Variants in NRCAM observed in about 807,000 individuals in gnomAD.
NRCAM encodes neuronal cell adhesion molecule.
NRCAM carries 83 observed loss-of-function variants against 156.5 expected under a neutral mutation model. The ratio of observed to expected loss-of-function variants is 0.53; its 90% CI spans 0.44 to 0.64. NRCAM has a LOEUF of 0.64. NRCAM is among the 30% of genes least tolerant of loss of function. The pLI, the probability that NRCAM is intolerant of heterozygous loss-of-function variation, is 0.00. For synonymous variants in NRCAM, 538 were observed against 563.9 expected (o/e 0.95, Z 0.65); for missense variants, 1,417 against 1,597.3 (o/e 0.89, Z 1.92).
chr7:108,320,792 T>G (rs2098992632), intron 2 of NRCAM, among the ~76,000 whole-genome samples: 1 of 152,242 alleles, frequency 6.6e-6, no homozygotes, highest in Non-Finnish European at 1.5e-5. Context: ...TAATATATAC[T>G]GTTGAATGGG....
chr7:108,204,286 G>A (rs1001016632), intron 13 of NRCAM, among the ~76,000 whole-genome samples: 1 of 152,192 alleles, frequency 6.6e-6, no homozygotes, highest in South Asian at 2.1e-4. Flanking sequence ...AACACACAGT[G>A]GGGGCATGCA....
chr7:108,245,834 C>A (rs7809003), intron 3 of NRCAM, among the ~76,000 whole-genome samples: 34,962 of 152,198 alleles, frequency 0.23, 4,295 homozygotes, highest in Non-Finnish European at 0.27. Flanking sequence ...ACATGATCAT[C>A]TGAATACAGG....
intron 13 of NRCAM, among the ~76,000 whole-genome samples, chr7:108,204,208 G>A (rs905794211): frequency 6.6e-5 from 10 of 152,168 alleles, no homozygotes; most frequent in African/African-American, 7.2e-5. Context: ...CTCCTTAAAT[G>A]TCTATTAATG....
intron 2 of NRCAM, among the ~76,000 whole-genome samples, chr7:108,388,472 T>C (rs1298673344): frequency 1.3e-5 from 2 of 152,222 alleles, no homozygotes; most frequent in Non-Finnish European, 2.9e-5. Flanking sequence ...CTTTGTCAGA[T>C]GGGTAGATTG....
chr7:108,349,932 T>TA lies in NRCAM; in HGVS notation c.-173-37202dup, dbSNP rs772159317. Among the ~76,000 whole-genome samples, 170 of 152,230 alleles carry TA rather than the reference T, an allele frequency of 1.1e-3. 1 individual carries two copies. Among genetic ancestry groups the TA allele is most frequent in the Admixed American group, 4.2e-3 (64 of 15,284 alleles). On this transcript the variant is annotated intron_variant, in intron 2 of 32. Transcript: ENST00000379028. ...TGAATTCCTTGTCATGGCTAAGTTCTACATGACTGGGTTCTTTTCTATGTG... is the reference window on the plus strand; with the variant it reads ...TGAATTCCTTGTCATGGCTAAGTTCTAACATGACTGGGTTCTTTTCTATGTG...
chr7:108,320,063 A>G (rs980564680), intron 2 of NRCAM, among the ~76,000 whole-genome samples: 1 of 152,226 alleles, frequency 6.6e-6, no homozygotes, highest in Non-Finnish European at 1.5e-5. Context: ...TTATAAAAAA[A>G]CACTTTTGAT....
At chr7:108,171,694 T>C (rs1358521732) in intron 28 of NRCAM, among the ~76,000 whole-genome samples, 1 of 152,154 alleles carries the variant, frequency 6.6e-6, no homozygotes, top group African/African-American at 2.4e-5. Context: ...TTAGCGTCAA[T>C]TTATTACTCT....
chr7:108,255,440 T>C (rs1176744981), intron 3 of NRCAM, among the ~76,000 whole-genome samples: 2 of 152,194 alleles, frequency 1.3e-5, no homozygotes, highest in African/African-American at 4.8e-5. Flanking sequence ...GGTGCCGGGA[T>C]TGCAGACGGA....
chr7:108,199,898 T>A (rs1250037128), intron 13 of NRCAM, among the ~76,000 whole-genome samples: 1 of 152,078 alleles, frequency 6.6e-6, no homozygotes, highest in African/African-American at 2.4e-5. Context: ...ATCACATTTA[T>A]AGCCTAAAAG....
intron 1 of NRCAM, among the ~76,000 whole-genome samples, chr7:108,415,265 G>C (rs1349783006): frequency 6.6e-6 from 1 of 152,102 alleles, no homozygotes; most frequent in African/African-American, 2.4e-5. Context: ...AGCCTGCGGT[G>C]GGACCTTGAG....
intron 2 of NRCAM, among the ~76,000 whole-genome samples, chr7:108,358,986 C>T (rs2099528990): frequency 6.6e-6 from 1 of 152,180 alleles, no homozygotes; most frequent in Non-Finnish European, 1.5e-5. Flanking sequence ...AAGCTCAGGA[C>T]CTGGCTGACA....
intron 2 of NRCAM, among the ~76,000 whole-genome samples, chr7:108,325,716 G>T (rs969507909): frequency 2.9e-4 from 44 of 151,894 alleles, no homozygotes; most frequent in Non-Finnish European, 4.4e-5. Flanking sequence ...ATTTATGAGA[G>T]CAGGAATTTT....
intron 2 of NRCAM, among the ~76,000 whole-genome samples, chr7:108,331,170 A>G (rs2099122595): frequency 6.6e-6 from 1 of 152,136 alleles, no homozygotes; most frequent in Non-Finnish European, 1.5e-5. Context: ...AGGCCGAGGC[A>G]GAAAGATTGC....
chr7:108,441,435 G>C (rs1838390931), intron 1 of NRCAM, among the ~76,000 whole-genome samples: 1 of 152,188 alleles, frequency 6.6e-6, no homozygotes, highest in South Asian at 2.1e-4. Flanking sequence ...CTGTAGATTA[G>C]ATTAGACTAT....
chr7:108,387,056 C>T (rs1468355263), intron 2 of NRCAM, among the ~76,000 whole-genome samples: 1 of 152,150 alleles, frequency 6.6e-6, no homozygotes, highest in Non-Finnish European at 1.5e-5. Context: ...GTTCTATCCT[C>T]TGAACATGGG....
chr7:108,300,160 CTTTTTTTTTTTTTT>C lies in NRCAM; in HGVS notation c.-107+12491_-107+12504del, dbSNP rs10665036. 3.9e-4 allele frequency among the ~76,000 whole-genome samples: 26 copies of C among 65,868 alleles called. 1 individual carries two copies. Among genetic ancestry groups the C allele is most frequent in the African/African-American group, 1.3e-3 (23 of 17,664 alleles). 43.2% of individuals were successfully genotyped at this position (65,868 alleles called of 152,430 possible). ...TAATCCTTCCCCAAATTTCTGTTGA[CTTTTTTTTTTTTTT>C]TTTTTTTTTTTTTTTACAAAAGAGC... On this transcript the variant is annotated intron_variant, in intron 3 of 32. Transcript: ENST00000379028.
intron 3 of NRCAM, among the ~76,000 whole-genome samples, chr7:108,305,563 GTCCTCTGCCTTCCATTCTC>G (rs1729388512): frequency 6.6e-6 from 1 of 152,122 alleles, no homozygotes; most frequent in African/African-American, 2.4e-5. Context: ...GTGTTGGACT[GTCCTCTGCCTTCCATTCTC>G]TCCTTTCATA....
chr7:108,260,146 G>A (rs965275446), intron 3 of NRCAM, among the ~76,000 whole-genome samples: 2 of 152,016 alleles, frequency 1.3e-5, no homozygotes, highest in Admixed American at 6.6e-5. Context: ...TTCCTATTCC[G>A]TTTCTCAAAC....
intron 32 of NRCAM, chr7:108,156,408 C>A: frequency 2.0e-6 from 2 of 984,506 alleles, no homozygotes; most frequent in Non-Finnish European, 2.4e-6. Context: ...CATTGTTTCT[C>A]TGATTTTTCT....
Sources: allele counts gnomAD v4.1 joint callset (sites outside exome capture counted in the v4.1 genomes callset), GRCh38; gene constraint gnomAD v4.1.1; transcripts MANE v1.5; gene names NCBI Gene and HGNC (gene_info 2026-07-23, HGNC 2026-07-21).